The following SPATS1 variants were observed in gnomAD, a reference collection of about 807,000 sequenced individuals.
The protein encoded by SPATS1 is spermatogenesis associated serine rich 1, also known as spermatogenesis-associated serine-rich protein 1.
SPATS1 carries 23 observed loss-of-function variants against 33.6 expected under a neutral mutation model. The observed-to-expected ratio is 0.68, with a 90% CI of 0.49 to 0.97. The LOEUF (loss-of-function observed/expected upper bound fraction) is 0.97, where lower values mean the gene tolerates loss of function less well. SPATS1 is among the 50% of genes least tolerant of loss of function. The pLI is 0.00. For synonymous variants in SPATS1, 131 were observed against 125.6 expected (o/e 1.04, Z -0.29); for missense variants, 327 against 361.0 (o/e 0.91, Z 0.76).
chr6:44,360,428 C>T lies in SPATS1; in HGVS notation c.288-18C>T, dbSNP rs772325141. On this transcript the variant is annotated intron_variant, in intron 3 of 8. Coordinates refer to ENST00000674044, the MANE Select transcript of SPATS1 (RefSeq NM_001372081.1). The stretch of plus-strand genomic sequence containing the variant: ...ACCAGTTTAAGCACGTGGAAGAATC[C>T]TTCTGCTTTCTTTCCAGCACCACTG... 7 of 1,613,696 alleles carry T rather than the reference C, an allele frequency of 4.3e-6. No individual in the cohort carries two copies. In the African/African-American group the frequency reaches 8.0e-5, roughly 18 times the overall value.
At chr6:44,352,387 C>T (rs1322678659) in intron 2 of SPATS1, among the ~76,000 whole-genome samples, 1 of 152,034 alleles carries the variant, frequency 6.6e-6, no homozygotes, top group Non-Finnish European at 1.5e-5. Context: ...CTTATCTGAT[C>T]CACCCACCTT....
Position 44,366,810 on chromosome 6 carries a change from GT to G in SPATS1, c.575-1568del, listed in dbSNP as rs1295037987. Reference sequence around the variant, plus strand: ...AATAATAATTGCTACTATTTCTTGGGTGCTTGTTATATGCTCACATCATTAT... The same window carrying G: ...AATAATAATTGCTACTATTTCTTGGGGCTTGTTATATGCTCACATCATTAT... On this transcript the variant is annotated intron_variant, in intron 5 of 8. Coordinates refer to ENST00000674044, the MANE Select transcript of SPATS1 (RefSeq NM_001372081.1). Among the ~76,000 whole-genome samples, 12 of 152,140 alleles carry G rather than the reference GT, an allele frequency of 7.9e-5. No homozygotes were observed. The East Asian group carries it at 2.1e-3, about 27-fold the overall frequency.
rs1790035936 is a variant in SPATS1 at position 44,377,754 on chromosome 6, T to G, written c.*691T>G. 1 of 153,626 alleles carries G rather than the reference T, an allele frequency of 6.5e-6. No individual in the cohort carries two copies. Among genetic ancestry groups the G allele is most frequent in the African/African-American group, 2.4e-5 (1 of 41,474 alleles). The allele number at this position is 153,626 out of a possible 1,614,324, so 9.5% of individuals were successfully genotyped here. A position where few individuals can be genotyped will look rare whatever the true frequency, so the allele number is the denominator to read the frequency against. ...TTCTGGCTCATAGATAGTACCTTCTTGCTGTGTCCTCATATGATAGAAAGG... is the reference window on the plus strand; with the variant it reads ...TTCTGGCTCATAGATAGTACCTTCTGGCTGTGTCCTCATATGATAGAAAGG... On this transcript the variant is annotated 3_prime_UTR_variant, in exon 9 of 9. Transcript: ENST00000674044.
At chr6:44,372,864 A>C (rs1789710211) in intron 7 of SPATS1, among the ~76,000 whole-genome samples, 1 of 152,178 alleles carries the variant, frequency 6.6e-6, no homozygotes. Flanking sequence ...GGCGTGTCTA[A>C]AGCAGTCTTT....
chr6:44,366,083 AT>A (rs1314609782), intron 5 of SPATS1, among the ~76,000 whole-genome samples: 1 of 151,042 alleles, frequency 6.6e-6, no homozygotes, highest in African/African-American at 2.4e-5. Flanking sequence ...TCCTCCTGAC[AT>A]TATCTTGTGA....
Position 44,377,030 on chromosome 6 carries a change from C to T in SPATS1, c.875-5C>T. On this transcript the variant is annotated splice_region_variant and splice_polypyrimidine_tract_variant and intron_variant, in intron 8 of 8. Coordinates refer to ENST00000674044, the MANE Select transcript of SPATS1 (RefSeq NM_001372081.1). ...AAACCTGTAACTCCATGCCTCTATC[C>T]ACAGGTGCTTTGGACTTTCCAAGAC... The T allele has an allele frequency of 6.2e-7, 1 of 1,614,174 alleles. No individual in the cohort carries two copies.
At chr6:44,344,347 T>C (rs1300953331) in intron 2 of SPATS1, among the ~76,000 whole-genome samples, 2 of 151,916 alleles carry the variant, frequency 1.3e-5, no homozygotes, top group Non-Finnish European at 2.9e-5. Context: ...ATGGAGTCTA[T>C]GGATTTCAGC....
At chr6:44,349,013 C>T (rs1788071598) in intron 2 of SPATS1, among the ~76,000 whole-genome samples, 1 of 152,170 alleles carries the variant, frequency 6.6e-6, no homozygotes, top group East Asian at 1.9e-4. Context: ...CACCTGTAAT[C>T]CCAGCTACTC....
At chr6:44,360,024 T>C (rs1477907174) in intron 3 of SPATS1, among the ~76,000 whole-genome samples, 1 of 152,248 alleles carries the variant, frequency 6.6e-6, no homozygotes, top group Non-Finnish European at 1.5e-5. Flanking sequence ...CAAGTATCTG[T>C]TTGAATCTCT....
intron 3 of SPATS1, among the ~76,000 whole-genome samples, chr6:44,357,373 T>TTTTG (rs763889660): frequency 6.6e-5 from 10 of 152,136 alleles, no homozygotes; most frequent in East Asian, 3.9e-4. Context: ...CTTACCCAGT[T>TTTTG]TTTGTTTGTT....
chr6:44,351,105 A>G (rs1482702168), intron 2 of SPATS1, among the ~76,000 whole-genome samples: 1 of 143,334 alleles, frequency 7.0e-6, no homozygotes, highest in Non-Finnish European at 1.5e-5. Flanking sequence ...CCTGGGTGAC[A>G]GAGTGAGACT....
intron 5 of SPATS1, among the ~76,000 whole-genome samples, 174 bp from the exon 6 acceptor site, chr6:44,368,205 T>C (rs1789361749): frequency 6.6e-6 from 1 of 152,210 alleles, no homozygotes; most frequent in African/African-American, 2.4e-5. Flanking sequence ...ATGTCCCAAA[T>C]ATAGGCTCAT....
In SPATS1 at chr6:44,352,733, T is replaced by C. The variant is rs374960739; in HGVS notation, c.147T>C (p.Asn49=). ...GATATCTCTGTGTTACAGGTGCTAA[T>C]TGCAGTGATTTTCTGGAATCTAAGG... ...MTEVERTYSA[N]CSDFLESKGC... Residue 49 remains asparagine, a synonymous_variant, in exon 3 of 9, where the codon AAT becomes AAC. Transcript: ENST00000674044. 1.9e-6 allele frequency: 3 copies of C among 1,613,986 alleles called. No individual in the cohort carries two copies. The highest frequency in any genetic ancestry group is 1.3e-5 in the African/African-American group (1 of 74,930).
At chr6:44,376,977 T>G (rs1484841592) in intron 8 of SPATS1, 58 bp from the exon 9 acceptor site, 468 of 1,593,100 alleles carry the variant, frequency 2.9e-4, no homozygotes, top group Non-Finnish European at 3.7e-4. Context: ...GTGTATTGAT[T>G]GAGAATTGTT....
Position 44,376,467 on chromosome 6 carries a change from C to G in SPATS1, c.868C>G (p.Leu290Val), listed in dbSNP as rs1299729800. 6.2e-7 allele frequency: 1 copy of G among 1,603,238 alleles called. No homozygotes were observed. The highest frequency in any genetic ancestry group is 8.5e-7 in the Non-Finnish European group (1 of 1,173,988). ...PAVPLMHMLH[L>V]SGALDFPRQS Reference sequence around the variant, plus strand: ...AGTGCCCTTAATGCACATGCTACACCTTTCTGGTGGGTTAAAGAAACTTCA... The same window carrying G: ...AGTGCCCTTAATGCACATGCTACACGTTTCTGGTGGGTTAAAGAAACTTCA... The change falls in exon 8 of 9, where the codon CTT becomes GTT. Residue 290 changes from leucine to valine, a missense_variant. Physicochemically the swap from Leu to Val is conservative, Grantham distance 32. Coordinates refer to ENST00000674044, the MANE Select transcript of SPATS1 (RefSeq NM_001372081.1).
rs531087972 is a variant in SPATS1, at chr6:44,361,888, C to T, written c.470C>T (p.Thr157Ile). 6.8e-6 allele frequency: 11 copies of T among 1,614,236 alleles called. No homozygotes were observed. In the African/African-American group the frequency reaches 1.2e-4, roughly 18 times the overall value. ...FYPRFSSNIH[T>I]YHVGKQCFFN... ...CCAAGGTTTAGCAGCAACATCCACA[C>T]CTACCACGTCGGAAAGCAGTGCTTC... The change falls in exon 5 of 9, where the codon ACC (threonine) becomes ATC (isoleucine). Residue 157 changes from threonine to isoleucine, a missense_variant. Transcript: ENST00000674044.
In SPATS1 at chr6:44,377,319, A is replaced by T; in HGVS notation, c.*256A>T. 1.8e-6 allele frequency: 1 copy of T among 550,466 alleles called. No homozygotes were observed. The highest frequency in any genetic ancestry group is 3.2e-6 in the Non-Finnish European group (1 of 308,002). The allele number at this position is 550,466 out of a possible 1,614,324, so 34.1% of individuals were successfully genotyped here. On this transcript the variant is annotated 3_prime_UTR_variant, in exon 9 of 9. Coordinates refer to ENST00000674044, the MANE Select transcript of SPATS1 (RefSeq NM_001372081.1). The stretch of plus-strand genomic sequence containing the variant: ...TATTTGTTCAAACTTTCTCTCTCTC[A>T]CAATATTACAGTTACCATTTTGCTG...
At position 44,375,896 on chromosome 6, in the gene SPATS1, G is replaced by A. The variant is rs115456283; in HGVS notation, c.759-462G>A. On this transcript the variant is annotated intron_variant, in intron 7 of 8. Transcript: ENST00000674044. ...CGAGGCAGGTGGATCACCTTAGGTC[G>A]GAAATTCGATACCAGCTTGACCAAC... 8.5e-3 allele frequency among the ~76,000 whole-genome samples: 1,281 copies of A among 151,428 alleles called. 9 individuals are homozygous for A. The highest frequency in any genetic ancestry group is 0.021 in the South Asian group (102 of 4,794).
rs1048726897 is a variant in SPATS1 at position 44,362,029 on chromosome 6, C to T, written c.574+37C>T. The stretch of plus-strand genomic sequence containing the variant: ...TTCTGGGTCTTGACTGTGCAGTCCC[C>T]GAAAAACTCTCGAGTCGTGATTCTA... On this transcript the variant is annotated intron_variant, in intron 5 of 8. Transcript: ENST00000674044. 8.1e-6 allele frequency: 13 copies of T among 1,612,756 alleles called. No individual in the cohort carries two copies. In the East Asian group the frequency reaches 1.1e-4, roughly 14 times the overall value.
Sources: gnomAD v4.1 joint callset for allele counts (sites outside exome capture counted in the v4.1 genomes callset) on GRCh38, gnomAD v4.1.1 for gene constraint, MANE v1.5 for transcripts, NCBI Gene and HGNC (gene_info 2026-07-23, HGNC 2026-07-21) for gene names.